Variants in CPSF4 observed in about 807,000 individuals in gnomAD.
CPSF4 encodes cleavage and polyadenylation specific factor 4.
A neutral mutation model predicts 37.7 loss-of-function variants in CPSF4; 11 were observed. The ratio of observed to expected loss-of-function variants is 0.29; its 90% confidence interval spans 0.18 to 0.48. CPSF4 has a LOEUF of 0.48. CPSF4 is among the 20% of genes least tolerant of loss of function. CPSF4 has a pLI of 0.99. For synonymous variants in CPSF4, 132 were observed against 135.9 expected, an observed-to-expected ratio of 0.97 and a Z score of 0.20; for missense variants, 144 against 359.5, an observed-to-expected ratio of 0.40 and a Z score of 4.85.
At chr7:99,443,476 C>T in intron 1 of CPSF4, 1 of 879,136 alleles carries the variant, frequency 1.1e-6, no homozygotes, top group Non-Finnish European at 1.9e-6. Flanking sequence ...GCTTATGGAG[C>T]TCCACCATCT....
chr7:99,447,973 T>TATCATTAAAA, intron 2 of CPSF4, 148 bp from the exon 3 acceptor site: 1 of 684,872 alleles, frequency 1.5e-6, no homozygotes, highest in South Asian at 1.8e-5. Context: ...TTGCCTTCTG[T>TATCATTAAAA]GAGGGGGACC....
At chr7:99,444,929 CT>C in intron 2 of CPSF4, 90 bp downstream of exon 2, 1 of 1,099,562 alleles carries the variant, frequency 9.1e-7, no homozygotes. Context: ...AGGTCTCTGG[CT>C]TACATTGCTT....
In CPSF4 at chr7:99,442,655, CAAAAAAAA is replaced by C. The variant is rs751146641; in HGVS notation, c.104-2121_104-2114del. On this transcript the variant is annotated intron_variant, in intron 1 of 7. Coordinates refer to ENST00000292476, the MANE Select transcript of CPSF4 (RefSeq NM_006693.4). Reference sequence around the variant, plus strand: ...CCTGGGCAACAGCGAGACTCCGTCTCAAAAAAAAAAAAAAAAAAAACAAAAAACAAGCA... The same window carrying C: ...CCTGGGCAACAGCGAGACTCCGTCTCAAAAAAAAAAAACAAAAAACAAGCA... Among the ~76,000 whole-genome samples the C allele has an allele frequency of 7.6e-5, 4 of 52,504 alleles. No individual in the cohort carries two copies. In the Admixed American group the frequency reaches 8.5e-4, roughly 11 times the overall value. The allele number at this position is 52,504 out of a possible 152,430, so 34.4% of individuals were successfully genotyped here. A position where few individuals can be genotyped will look rare whatever the true frequency, so the allele number is the denominator to read the frequency against.
At chr7:99,455,516 T>C (rs778227082) in intron 7 of CPSF4, among the ~76,000 whole-genome samples, 24 of 152,146 alleles carry the variant, frequency 1.6e-4, no homozygotes, top group South Asian at 2.1e-4. Flanking sequence ...CTGGCCAACA[T>C]AGAAGAAAGA....
At chr7:99,446,822 T>C (rs1412646886) in intron 2 of CPSF4, among the ~76,000 whole-genome samples, 1 of 132,406 alleles carries the variant, frequency 7.6e-6, no homozygotes, top group Non-Finnish European at 1.6e-5. Context: ...GGAGTTTTGC[T>C]CTTGTTGCCC....
intron 2 of CPSF4, among the ~76,000 whole-genome samples, chr7:99,445,686 C>A (rs1390170960): frequency 6.6e-6 from 1 of 152,126 alleles, no homozygotes; most frequent in Non-Finnish European, 1.5e-5. Flanking sequence ...GAGTTTGAGA[C>A]CAGCCTGGCC....
chr7:99,451,745 G>T (rs1045129682), intron 5 of CPSF4, among the ~76,000 whole-genome samples: 5 of 152,320 alleles, frequency 3.3e-5, no homozygotes, highest in African/African-American at 1.2e-4. Flanking sequence ...CTTTGGTTGT[G>T]GACCTGGGCT....
At chr7:99,455,552 T>C (rs45618738) in intron 7 of CPSF4, among the ~76,000 whole-genome samples, 127 of 152,308 alleles carry the variant, frequency 8.3e-4, no homozygotes, top group African/African-American at 2.7e-3. Flanking sequence ...AGCCAGGGAA[T>C]AGAGCTGGCA....
chr7:99,450,459 T>C, intron 4 of CPSF4, 88 bp downstream of exon 4: 1 of 938,162 alleles, frequency 1.1e-6, no homozygotes, highest in South Asian at 1.4e-5. Flanking sequence ...CTGGTCTACC[T>C]GTCCCAGCAA....
chr7:99,450,763 C>G lies in CPSF4; in HGVS notation c.465C>G (p.Phe155Leu). The G allele has an allele frequency of 6.2e-7, 1 of 1,614,024 alleles. No individual in the cohort carries two copies. The highest frequency in any genetic ancestry group is 8.5e-7 in the Non-Finnish European group (1 of 1,179,968). Residue 155 changes from phenylalanine (F) to leucine (L), a missense_variant, in exon 5 of 8, where the codon TTC becomes TTG. By Grantham distance (22) the Phe-to-Leu change is conservative. This residue lies in a region of CPSF4 where 86 missense variants were observed against 141.5 expected (regional missense o/e 0.61). Coordinates refer to ENST00000292476, the MANE Select transcript of CPSF4 (RefSeq NM_006693.4). ...TCTGTGTGAATTACCTCGTGGGATT[C>G]TGCCCGGAGGGGCCCTCGTGTAAAT... The part of the protein sequence containing the change: ...RVICVNYLVG[F>L]CPEGPSCKFM...
In CPSF4 at chr7:99,444,789, AGTCGGGCGCTGCT is replaced by A. The variant is rs748581621; in HGVS notation, c.108_120del (p.Gly37ValfsTer5). On this transcript the variant is annotated frameshift_variant and splice_region_variant, in exon 2 of 8. Transcript: ENST00000292476. LOFTEE classifies it high-confidence loss of function. ...CTCTCCTTTTCTCTCCTTTCTACAG[AGTCGGGCGCTGCT>A]GTCTGTGAATTCTTTTTGAAAGCTG... 1 of 1,613,634 alleles carries A rather than the reference AGTCGGGCGCTGCT, an allele frequency of 6.2e-7. No individual in the cohort carries two copies. Among genetic ancestry groups the A allele is most frequent in the Admixed American group, 1.7e-5 (1 of 59,994 alleles).
At chr7:99,439,897 C>T (rs1796735708) in intron 1 of CPSF4, among the ~76,000 whole-genome samples, 1 of 152,062 alleles carries the variant, frequency 6.6e-6, no homozygotes, top group Admixed American at 6.6e-5. Context: ...TTTCTGGACC[C>T]CAACTCTGAG....
chr7:99,444,896 C>A (rs2150988829), intron 2 of CPSF4, 57 bp downstream of exon 2: 1 of 1,493,742 alleles, frequency 6.7e-7, no homozygotes, highest in Non-Finnish European at 9.3e-7. Flanking sequence ...ACCTCCTTCT[C>A]CCCGGCAGAC....
rs548046791 is a variant in CPSF4, at chr7:99,448,115, C to T, written c.155-6C>T. 4.2e-5 allele frequency: 68 copies of T among 1,613,434 alleles called. No individual in the cohort carries two copies. Among genetic ancestry groups the T allele is most frequent in the East Asian group, 3.6e-4 (16 of 44,886 alleles). ...TGCTGACACCCTGTCCCTATCTTGC[C>T]GGCAGGGGGCATGTGTCCGTTTCGC... On this transcript the variant is annotated splice_region_variant and splice_polypyrimidine_tract_variant and intron_variant, in intron 2 of 7. Coordinates refer to ENST00000292476, the MANE Select transcript of CPSF4 (RefSeq NM_006693.4). This position sits in a 1 kb window ranked among gnomAD's most constrained non-coding sequence, Gnocchi z 4.4.
At chr7:99,445,705 G>A (rs1797435884) in intron 2 of CPSF4, among the ~76,000 whole-genome samples, 1 of 152,166 alleles carries the variant, frequency 6.6e-6, no homozygotes, top group African/African-American at 2.4e-5. Context: ...CCAACATGGT[G>A]AAACATCGTC....
At chr7:99,446,456 G>A (rs1392524453) in intron 2 of CPSF4, among the ~76,000 whole-genome samples, 1 of 152,110 alleles carries the variant, frequency 6.6e-6, no homozygotes, top group Non-Finnish European at 1.5e-5. Context: ...CATTCTGGTC[G>A]GACCTCCATG....
chr7:99,440,675 T>TATATATATATA (rs1491236759), intron 1 of CPSF4, among the ~76,000 whole-genome samples: 58 of 74,812 alleles, frequency 7.8e-4, no homozygotes, highest in African/African-American at 4.3e-3. Context: ...TATATATATA[T>TATATATATATA]TTTTTTTTTT....
At chr7:99,441,631 G>A (rs954997418) in intron 1 of CPSF4, 11 of 422,188 alleles carry the variant, frequency 2.6e-5, no homozygotes, top group Non-Finnish European at 5.3e-5. Context: ...CCAGAACTGT[G>A]TATTTCTGAG....
chr7:99,451,803 G>A (rs1009811423), intron 5 of CPSF4, among the ~76,000 whole-genome samples: 25 of 152,126 alleles, frequency 1.6e-4, no homozygotes, highest in African/African-American at 6.0e-4. Context: ...CCTTCCTCCC[G>A]GCTGCCTCGC....
Sources: gnomAD v4.1 joint callset for allele counts (sites outside exome capture counted in the v4.1 genomes callset) on GRCh38, gnomAD v4.1.1 for gene constraint, gnomAD v4.1.1 regional missense constraint, Gnocchi (gnomAD v3.1) non-coding constraint, MANE v1.5 for transcripts, NCBI Gene and HGNC (gene_info 2026-07-23, HGNC 2026-07-21) for gene names.